Variants in CFAP92 observed in about 807,000 individuals in gnomAD.
CFAP92 encodes cilia and flagella associated protein 92 (putative).
Under a neutral mutation model 106.3 loss-of-function variants are expected in CFAP92, and 86 were observed. That is an observed-to-expected ratio of 0.81 (90% CI 0.68 to 0.97). The LOEUF (loss-of-function observed/expected upper bound fraction) is 0.97. Among genes scored for constraint, CFAP92 ranks in the 50% least tolerant of loss-of-function variants. The pLI, the probability that CFAP92 is intolerant of heterozygous loss-of-function variation, is 0.00. For synonymous variants in CFAP92, 477 were observed against 506.4 expected, an observed-to-expected ratio of 0.94 and a Z score of 0.78; for missense variants, 1,204 against 1,283.8, an observed-to-expected ratio of 0.94 and a Z score of 0.95.
chr3:128,996,872 C>T (rs1484948784), upstream of CFAP92, among the ~76,000 whole-genome samples: 1 of 152,336 alleles, frequency 6.6e-6, no homozygotes, highest in East Asian at 1.9e-4. Context: ...CCCAGTGGTA[C>T]ACCAGCTTCC....
chr3:128,991,769 AC>A, intron 2 of CFAP92: 16 of 1,003,576 alleles, frequency 1.6e-5, no homozygotes, highest in Non-Finnish European at 1.9e-5. Context: ...CGGGGTTCCA[AC>A]CCATACAAGA....
intron 10 of CFAP92, among the ~76,000 whole-genome samples, chr3:128,937,618 A>G (rs1052459735): frequency 5.3e-5 from 8 of 150,160 alleles, no homozygotes; most frequent in Non-Finnish European, 7.4e-5. Flanking sequence ...AAAAAAAAAG[A>G]TTTTTCTGGT....
chr3:128,983,030 G>A (rs186213096), intron 4 of CFAP92, among the ~76,000 whole-genome samples: 12 of 152,208 alleles, frequency 7.9e-5, no homozygotes, highest in East Asian at 3.9e-4. Flanking sequence ...TTGAAAAAAC[G>A]GCGTCAATAG....
chr3:128,967,377 A>G (rs367647325), intron 8 of CFAP92: 16 of 152,186 alleles, frequency 1.1e-4, no homozygotes, highest in African/African-American at 3.6e-4. Flanking sequence ...CCTGTGTTCT[A>G]TAATTTTGTG....
At position 128,909,951 on chromosome 3, in the gene CFAP92, G is replaced by T; in HGVS notation, c.*348C>A. 5.0e-6 allele frequency: 8 copies of T among 1,591,754 alleles called. No homozygotes were observed. The highest frequency in any genetic ancestry group is 6.8e-6 in the Non-Finnish European group (8 of 1,169,384). ...GGAGACTAAGACAGGCAAAGATGCA[G>T]CCCAGGGAGGGACCATGTGGGGGAC... On this transcript the variant is annotated 3_prime_UTR_variant, in exon 16 of 16. Coordinates refer to ENST00000645291, the MANE Select transcript of CFAP92 (RefSeq NM_001394090.1).
chr3:129,016,380 G>A, the CFAP92 span, among the ~76,000 whole-genome samples: 1 of 152,152 alleles, frequency 6.6e-6, no homozygotes, highest in African/African-American at 2.4e-5. Context: ...CCTACAAGCT[G>A]TAGCTCTTTC....
intron 12 of CFAP92, among the ~76,000 whole-genome samples, chr3:128,919,376 G>T (rs1346994195): frequency 6.6e-6 from 1 of 152,188 alleles, no homozygotes; most frequent in Admixed American, 6.5e-5. Context: ...AAAAAGCTGT[G>T]TGGCATTCTT....
the CFAP92 span, among the ~76,000 whole-genome samples, chr3:129,013,984 C>T: frequency 6.6e-6 from 1 of 152,150 alleles, no homozygotes; most frequent in South Asian, 2.1e-4. Context: ...GGGGCTTTTC[C>T]GGAGAGGACC....
intron 1 of CFAP92, 29 bp from the exon 2 acceptor site, chr3:128,993,365 C>A: frequency 6.5e-7 from 1 of 1,548,888 alleles, no homozygotes; most frequent in African/African-American, 1.4e-5. Flanking sequence ...AGGCTGTCCC[C>A]GCCTGTATTC....
chr3:128,931,396 G>A (rs1938345510), intron 12 of CFAP92, among the ~76,000 whole-genome samples: 1 of 151,288 alleles, frequency 6.6e-6, no homozygotes, highest in East Asian at 1.9e-4. Flanking sequence ...GAACTCCTGA[G>A]CTTAAGCAAC....
chr3:129,001,852 C>G (rs1484636335), intron 1 of CFAP92: 5 of 1,546,150 alleles, frequency 3.2e-6, no homozygotes, highest in Non-Finnish European at 4.4e-6. Flanking sequence ...GGCCGTCTGC[C>G]CCGCGCCGAC....
intron 2 of CFAP92, 126 bp downstream of exon 2, chr3:128,992,917 C>T (rs1204985945): frequency 8.7e-7 from 1 of 1,149,984 alleles, no homozygotes; most frequent in African/African-American, 1.5e-5. Context: ...CTGGCTGGCA[C>T]TGGCCAGCCC....
At chr3:128,952,446 AT>A (rs879870653) in intron 9 of CFAP92, among the ~76,000 whole-genome samples, 4 of 152,206 alleles carry the variant, frequency 2.6e-5, no homozygotes, top group African/African-American at 4.8e-5. Flanking sequence ...CCAAGATAGA[AT>A]TTTTAAAAAA....
intron 2 of CFAP92, 92 bp from the exon 3 acceptor site, chr3:128,989,010 G>A (rs1576642088): frequency 1.1e-5 from 11 of 967,422 alleles, no homozygotes; most frequent in Non-Finnish European, 6.2e-6. Context: ...TGTTGTGAGA[G>A]GCTGAGCACT....
rs1373145705 is a variant in CFAP92, at chr3:128,956,185, A to T, written c.1353+9326T>A. Among the ~76,000 whole-genome samples, 24 of 79,228 alleles carry T rather than the reference A, an allele frequency of 3.0e-4. 1 individual carries two copies. Among genetic ancestry groups the T allele is most frequent in the African/African-American group, 9.3e-4 (10 of 10,698 alleles). 52.0% of individuals were successfully genotyped at this position (79,228 alleles called of 152,430 possible). On this transcript the variant is annotated intron_variant, in intron 9 of 15. Transcript: ENST00000645291. ...AGAATTATCAATAAAAAAATAAATT[A>T]AAAAAAAAAATAAAAAAAAAATAAA... is the stretch of plus-strand genomic sequence containing the variant.
chr3:129,015,731 C>A, the CFAP92 span, among the ~76,000 whole-genome samples: 2 of 151,064 alleles, frequency 1.3e-5, no homozygotes, highest in Non-Finnish European at 2.9e-5. Context: ...GAGGACTGTC[C>A]CCCCACCCCT....
At chr3:129,011,299 C>G in the CFAP92 span, among the ~76,000 whole-genome samples, 1 of 152,082 alleles carries the variant, frequency 6.6e-6, no homozygotes, top group South Asian at 2.1e-4. Context: ...GCCTGTAATC[C>G]CAACACTTTG....
At chr3:129,019,764 CTTT>C in the CFAP92 span, among the ~76,000 whole-genome samples, 2 of 107,424 alleles carry the variant, frequency 1.9e-5, no homozygotes, top group South Asian at 3.2e-4. Context: ...ATTAAATTTA[CTTT>C]TTTTTTTTTT....
At position 128,910,010 on chromosome 3, in the gene CFAP92, T is replaced by C. The variant is rs753501056; in HGVS notation, c.*289A>G. The C allele has an allele frequency of 1.1e-5, 18 of 1,613,072 alleles. No individual in the cohort carries two copies. Among genetic ancestry groups the C allele is most frequent in the Non-Finnish European group, 1.5e-5 (18 of 1,179,776 alleles). On this transcript the variant is annotated 3_prime_UTR_variant, in exon 16 of 16. Transcript: ENST00000645291. Reference sequence around the variant, plus strand: ...GTAGTGAGTCCCCACTTGGAGCCTCTGTGATCCCAGACCATCATGGAGGAG... The same window carrying C: ...GTAGTGAGTCCCCACTTGGAGCCTCCGTGATCCCAGACCATCATGGAGGAG...
Sources: gnomAD v4.1 joint callset for allele counts (sites outside exome capture counted in the v4.1 genomes callset) on GRCh38, gnomAD v4.1.1 for gene constraint, MANE v1.5 for transcripts, NCBI Gene and HGNC (gene_info 2026-07-23, HGNC 2026-07-21) for gene names.